SCAI: variants seen among roughly 807,000 people sequenced by gnomAD.
SCAI encodes the protein suppressor of cancer cell invasion, also known as protein SCAI.
In SCAI, 24 loss-of-function variants were observed where a neutral mutation model predicts 92.2. The ratio of observed to expected loss-of-function variants is 0.26; its 90% CI spans 0.19 to 0.37. The LOEUF (loss-of-function observed/expected upper bound fraction) is 0.37. SCAI is among the 10% of genes least tolerant of loss of function. The pLI is 1.00. For synonymous variants in SCAI, 261 were observed against 258.6 expected, an observed-to-expected ratio of 1.01 and a Z score of -0.09; for missense variants, 450 against 736.2, an observed-to-expected ratio of 0.61 and a Z score of 4.50.
chr9:125,023,021 A>G (rs1215768753), intron 6 of SCAI, among the ~76,000 whole-genome samples: 1 of 152,190 alleles, frequency 6.6e-6, no homozygotes, highest in East Asian at 1.9e-4. Context: ...TGAAGAATAA[A>G]TGGATATCAG....
At chr9:124,969,009 C>T (rs1452849512) in intron 17 of SCAI, among the ~76,000 whole-genome samples, 1 of 151,880 alleles carries the variant, frequency 6.6e-6, no homozygotes, top group Admixed American at 6.6e-5. Context: ...GTGGTACAAT[C>T]AGAGCTCACT....
In SCAI at chr9:125,143,481, G is replaced by A. The variant is rs746024437; in HGVS notation, c.-44C>T. The A allele has an allele frequency of 1.5e-6, 2 of 1,318,240 alleles. No homozygotes were observed. Among genetic ancestry groups the A allele is most frequent in the Non-Finnish European group, 1.9e-6 (2 of 1,033,424 alleles). 81.7% of individuals were successfully genotyped at this position (1,318,240 alleles called of 1,614,324 possible). A position where few individuals can be genotyped will look rare whatever the true frequency, so the allele number is the denominator to read the frequency against. ...CGGGAGCTGCTCCGGCGGCCGCAGGGCTCGCTCGGGAAGCTGAGGCGGCGG... is the reference window on the plus strand; with the variant it reads ...CGGGAGCTGCTCCGGCGGCCGCAGGACTCGCTCGGGAAGCTGAGGCGGCGG... On this transcript the variant is annotated 5_prime_UTR_variant, in exon 1 of 18. Coordinates refer to ENST00000336505, the MANE Select transcript of SCAI (RefSeq NM_001144877.3).
At chr9:125,026,198 C>A (rs1030403630) in intron 6 of SCAI, among the ~76,000 whole-genome samples, 4 of 152,072 alleles carry the variant, frequency 2.6e-5, no homozygotes, top group Admixed American at 2.6e-4. Flanking sequence ...TGATGAAACC[C>A]CATCTCTACT....
At chr9:125,101,930 C>A (rs1231928544) in intron 2 of SCAI, among the ~76,000 whole-genome samples, 1 of 152,194 alleles carries the variant, frequency 6.6e-6, no homozygotes. Flanking sequence ...ATAGAGACAT[C>A]AAGCTGTTAT....
At chr9:125,060,736 T>G (rs1833753919) in intron 2 of SCAI, among the ~76,000 whole-genome samples, 1 of 152,146 alleles carries the variant, frequency 6.6e-6, no homozygotes, top group South Asian at 2.1e-4. Flanking sequence ...ACCTTTCGCC[T>G]CCTATCATGA....
At position 125,028,446 on chromosome 9, in the gene SCAI, C is replaced by T; in HGVS notation, c.359G>A (p.Arg120His). The change falls in exon 5 of 18, where the codon CGC becomes CAC. Residue 120 changes from arginine (R) to histidine (H), a missense_variant. Physicochemically the swap from Arg to His is conservative, Grantham distance 29. This residue lies in a region of SCAI where 360 missense variants were observed against 601.8 expected (regional missense o/e 0.60). Coordinates refer to ENST00000336505, the MANE Select transcript of SCAI (RefSeq NM_001144877.3). ...QVLDNRYGLKRWQIGEIASKI... is the reference protein window; with the variant it reads ...QVLDNRYGLKHWQIGEIASKI... ...GGAAGCAATTTCTCCTATTTGCCAGCGCTTCAAGCCATACCGATTATCCAA... is the reference window on the plus strand; with the variant it reads ...GGAAGCAATTTCTCCTATTTGCCAGTGCTTCAAGCCATACCGATTATCCAA... 1 of 1,600,166 alleles carries T rather than the reference C, an allele frequency of 6.2e-7. No individual in the cohort carries two copies. Among genetic ancestry groups the T allele is most frequent in the South Asian group, 1.1e-5 (1 of 88,624 alleles).
At chr9:125,069,617 CTTTTTTTTTTT>C (rs919064250) in intron 2 of SCAI, among the ~76,000 whole-genome samples, 17 of 91,042 alleles carry the variant, frequency 1.9e-4, no homozygotes, top group African/African-American at 6.9e-4. Flanking sequence ...TGCACCCGGT[CTTTTTTTTTTT>C]TTTTTTTTTT....
At chr9:124,971,871 TA>T in intron 15 of SCAI, 27 bp from the exon 16 acceptor site, 1 of 1,463,722 alleles carries the variant, frequency 6.8e-7, no homozygotes, top group Non-Finnish European at 9.2e-7. Context: ...GTTATATATA[TA>T]GACAATAGTT....
intron 15 of SCAI, among the ~76,000 whole-genome samples, chr9:124,973,436 G>A (rs537246905): frequency 3.4e-4 from 51 of 152,198 alleles, no homozygotes; most frequent in Non-Finnish European, 5.9e-4. Context: ...GGTGGCTCAC[G>A]CCTGTAATCC....
rs906189255 is a variant in SCAI at position 125,091,773 on chromosome 9, T to C, written c.99-35766A>G. Among the ~76,000 whole-genome samples, 1 of 151,964 alleles carries C rather than the reference T, an allele frequency of 6.6e-6. No homozygotes were observed. Among genetic ancestry groups the C allele is most frequent in the Non-Finnish European group, 1.5e-5 (1 of 68,006 alleles). On this transcript the variant is annotated intron_variant, in intron 2 of 17. Transcript: ENST00000336505. This position sits in a 1 kb window ranked among gnomAD's most constrained non-coding sequence, Gnocchi z 4.3. The stretch of plus-strand genomic sequence containing the variant: ...CAAACATCCAACATCTCATCCGCCA[T>C]CCCCACTTTTCAGCTGATGGCAATT...
chr9:125,131,407 CAAAAAAAAAA>C (rs200932061), intron 2 of SCAI, among the ~76,000 whole-genome samples: 1 of 63,328 alleles, frequency 1.6e-5, no homozygotes, highest in African/African-American at 5.7e-5. Flanking sequence ...GACTCCGTCT[CAAAAAAAAAA>C]AAAAAAGAAA....
At chr9:124,961,259 T>A (rs559053987) in intron 17 of SCAI, among the ~76,000 whole-genome samples, 1 of 148,812 alleles carries the variant, frequency 6.7e-6, no homozygotes, top group South Asian at 2.1e-4. Flanking sequence ...CATAGGAAGA[T>A]CTCATCTCAT....
At chr9:125,105,166 T>C (rs1195616609) in intron 2 of SCAI, among the ~76,000 whole-genome samples, 1 of 151,892 alleles carries the variant, frequency 6.6e-6, no homozygotes, top group East Asian at 1.9e-4. Context: ...ACCCCATCTC[T>C]ACAAAAAAAA....
chr9:125,016,332 G>A (rs1832758828), intron 9 of SCAI, among the ~76,000 whole-genome samples: 1 of 150,338 alleles, frequency 6.7e-6, no homozygotes, highest in Non-Finnish European at 1.5e-5. Flanking sequence ...AAGTTGCAGT[G>A]AGCTGAGATT....
intron 3 of SCAI, among the ~76,000 whole-genome samples, chr9:125,032,757 G>A (rs1159782379): frequency 1.3e-5 from 2 of 151,682 alleles, no homozygotes; most frequent in Non-Finnish European, 1.5e-5. Context: ...GGGATTACAG[G>A]CGCCCGTCAC....
At chr9:125,123,813 T>C (rs554762772) in intron 2 of SCAI, among the ~76,000 whole-genome samples, 2 of 152,284 alleles carry the variant, frequency 1.3e-5, no homozygotes, top group Admixed American at 1.3e-4. Context: ...AAGTCCTAAC[T>C]GCCACTTTGC....
intron 3 of SCAI, among the ~76,000 whole-genome samples, chr9:125,046,933 A>C (rs773700984): frequency 6.6e-5 from 10 of 152,108 alleles, no homozygotes; most frequent in Non-Finnish European, 1.3e-4. Context: ...CATAGCATTT[A>C]AATAGCTAAT....
intron 3 of SCAI, among the ~76,000 whole-genome samples, chr9:125,033,367 C>T (rs990764601): frequency 2.6e-5 from 4 of 151,800 alleles, no homozygotes; most frequent in Non-Finnish European, 5.9e-5. Flanking sequence ...AGAGAAGCAA[C>T]GACAATTATA....
intron 2 of SCAI, among the ~76,000 whole-genome samples, chr9:125,102,639 C>T (rs1834701053): frequency 6.6e-6 from 1 of 152,108 alleles, no homozygotes; most frequent in Non-Finnish European, 1.5e-5. Flanking sequence ...ACTCTGTCGC[C>T]CAGGCTGGAG....
Sources: allele counts gnomAD v4.1 joint callset (sites outside exome capture counted in the v4.1 genomes callset), GRCh38; gene constraint gnomAD v4.1.1; regional missense constraint gnomAD v4.1.1; non-coding constraint Gnocchi (gnomAD v3.1); transcripts MANE v1.5; gene names NCBI Gene and HGNC (gene_info 2026-07-23, HGNC 2026-07-21).